CNOT4: variants seen among roughly 807,000 people sequenced by gnomAD.
CNOT4 encodes the protein CCR4-NOT transcription complex subunit 4.
Under a neutral mutation model 73.8 loss-of-function variants are expected in CNOT4, and 8 were observed. The observed-to-expected ratio is 0.11, with a 90% confidence interval of 0.06 to 0.20. The LOEUF is 0.20. CNOT4 is among the 10% of genes least tolerant of loss of function. The probability of loss-of-function intolerance (pLI) is 1.00; values close to 1 mark genes in which losing one functional copy is unlikely to be tolerated. For synonymous variants in CNOT4, 293 were observed against 321.1 expected (o/e 0.91, Z 0.94); for missense variants, 564 against 883.4 (o/e 0.64, Z 4.58).
intron 10 of CNOT4, chr7:135,388,704 A>G: frequency 6.6e-7 from 1 of 1,509,784 alleles, no homozygotes; most frequent in Non-Finnish European, 9.0e-7. Context: ...GGGTGTATAC[A>G]TTAAAAGCAA....
intron 1 of CNOT4, among the ~76,000 whole-genome samples, chr7:135,483,009 A>G (rs1367940263): frequency 6.8e-6 from 1 of 147,198 alleles, no homozygotes; most frequent in Non-Finnish European, 1.5e-5. Context: ...AAAAAAAAAA[A>G]GTAGATGAAA....
At chr7:135,399,743 G>A (rs1796904489) in intron 7 of CNOT4, among the ~76,000 whole-genome samples, 2 of 152,054 alleles carry the variant, frequency 1.3e-5, no homozygotes, top group South Asian at 2.1e-4. Flanking sequence ...ATTGCCAGAT[G>A]TTCTTGATTA....
intron 1 of CNOT4, among the ~76,000 whole-genome samples, chr7:135,487,031 T>C (rs1480821225): frequency 6.6e-6 from 1 of 152,236 alleles, no homozygotes; most frequent in Non-Finnish European, 1.5e-5. Context: ...TGAACTTTTA[T>C]GACTTTGCTA....
chr7:135,510,021 A>ACGGCTGAGAGAGAGACTCT lies in CNOT4; in HGVS notation c.-244_-226dup, dbSNP rs1211348435. On this transcript the variant is annotated 5_prime_UTR_variant, in exon 1 of 12. Transcript: ENST00000541284. ...GATTGCTTCAGCGAGTCCGACCTTT[A>ACGGCTGAGAGAGAGACTCT]CGGCTGAGAGAGAGACTCTCAGCTT... 6 of 398,946 alleles carry ACGGCTGAGAGAGAGACTCT rather than the reference A, an allele frequency of 1.5e-5. No homozygotes were observed. The highest frequency in any genetic ancestry group is 2.7e-5 in the Non-Finnish European group (6 of 226,146). The allele number at this position is 398,946 out of a possible 1,614,324, so 24.7% of individuals were successfully genotyped here.
intron 1 of CNOT4, among the ~76,000 whole-genome samples, chr7:135,464,151 A>G (rs1273597724): frequency 1.3e-5 from 2 of 152,222 alleles, no homozygotes; most frequent in African/African-American, 4.8e-5. Flanking sequence ...AGCCAAAAGC[A>G]GAACTACCAT....
chr7:135,470,211 C>T (rs1361005166), intron 1 of CNOT4, among the ~76,000 whole-genome samples: 2 of 151,874 alleles, frequency 1.3e-5, no homozygotes, highest in African/African-American at 4.8e-5. Context: ...CTCACTGCAA[C>T]CTTGACCTCC....
Position 135,503,271 on chromosome 7 carries a change from C to G in CNOT4, c.-93+6618G>C, listed in dbSNP as rs1804118766. The stretch of plus-strand genomic sequence containing the variant: ...CTTAAGCCCAGAAGTTTGAGACTAC[C>G]CTGGGCAACAGGGTGAGCCCCCATT... On this transcript the variant is annotated intron_variant, in intron 1 of 11. Coordinates refer to ENST00000541284, the MANE Select transcript of CNOT4 (RefSeq NM_001190850.2). 1.3e-5 allele frequency among the ~76,000 whole-genome samples: 2 copies of G among 151,964 alleles called. 1 individual carries two copies. Among genetic ancestry groups the G allele is most frequent in the South Asian group, 4.2e-4 (2 of 4,816 alleles).
intron 2 of CNOT4, among the ~76,000 whole-genome samples, chr7:135,428,443 TTATC>T (rs1234238461): frequency 1.3e-5 from 2 of 152,198 alleles, no homozygotes; most frequent in African/African-American, 2.4e-5. Flanking sequence ...AAAATAATGC[TTATC>T]TGTTTAAAAA....
At chr7:135,429,688 A>ATT (rs768060227) in intron 2 of CNOT4, among the ~76,000 whole-genome samples, 32 of 152,378 alleles carry the variant, frequency 2.1e-4, no homozygotes, top group Non-Finnish European at 3.7e-4. Context: ...TGAAAGTAAC[A>ATT]GACAAGCCCT....
chr7:135,495,763 A>C (rs186626403), intron 1 of CNOT4, among the ~76,000 whole-genome samples: 1 of 141,270 alleles, frequency 7.1e-6, no homozygotes, highest in Non-Finnish European at 1.5e-5. Flanking sequence ...AGAAAGAAAG[A>C]AATTTAAGAA....
chr7:135,404,604 T>C (rs978297514), intron 7 of CNOT4, among the ~76,000 whole-genome samples: 3 of 152,168 alleles, frequency 2.0e-5, no homozygotes, highest in African/African-American at 7.2e-5. Flanking sequence ...TACCAAATAA[T>C]TATGAGAATG....
At chr7:135,494,124 A>G (rs1278104298) in intron 1 of CNOT4, among the ~76,000 whole-genome samples, 1 of 151,576 alleles carries the variant, frequency 6.6e-6, no homozygotes, top group African/African-American at 2.4e-5. Flanking sequence ...GTCTTTGAGA[A>G]GGTAAAGTCC....
At chr7:135,423,061 G>A (rs888259278) in intron 2 of CNOT4, among the ~76,000 whole-genome samples, 1 of 152,094 alleles carries the variant, frequency 6.6e-6, no homozygotes. Context: ...GGAAACTACA[G>A]TACTTTATTT....
rs539628773 is a variant in CNOT4, at chr7:135,414,435, A to G, written c.460-3T>C. 9 of 1,354,240 alleles carry G rather than the reference A, an allele frequency of 6.6e-6. No homozygotes were observed. The highest frequency in any genetic ancestry group is 5.8e-5 in the African/African-American group (4 of 69,438). 83.9% of individuals were successfully genotyped at this position (1,354,240 alleles called of 1,614,324 possible). ...ACATAAGCACTGGCACTTGGACCCT[A>G]AAGTGAAAACATCCCATTCCACTGT... On this transcript the variant is annotated splice_polypyrimidine_tract_variant and splice_region_variant and intron_variant, in intron 4 of 11. Transcript: ENST00000541284.
At chr7:135,440,875 T>C (rs113970025) in intron 1 of CNOT4, among the ~76,000 whole-genome samples, 3,088 of 151,450 alleles carry the variant, frequency 0.02, 108 homozygotes, top group African/African-American at 0.07. Context: ...GCCGAGATCA[T>C]TGCACTCCAG....
chr7:135,476,772 G>T (rs1333784628), intron 1 of CNOT4, among the ~76,000 whole-genome samples: 1 of 152,174 alleles, frequency 6.6e-6, no homozygotes. Flanking sequence ...TGGAGTTCCA[G>T]ACCAGCCTGG....
chr7:135,427,503 C>T (rs1241671544), intron 2 of CNOT4, among the ~76,000 whole-genome samples: 1 of 152,100 alleles, frequency 6.6e-6, no homozygotes, highest in Middle Eastern at 3.2e-3. Context: ...CTGCTGCATA[C>T]CACTTGGGCC....
intron 1 of CNOT4, among the ~76,000 whole-genome samples, chr7:135,477,563 G>A (rs1029427355): frequency 3.3e-5 from 5 of 152,136 alleles, no homozygotes; most frequent in African/African-American, 1.2e-4. Flanking sequence ...GGAAAAGAAT[G>A]AGTACATTGT....
rs3812283 is a variant in CNOT4, at chr7:135,405,430, T to C, written c.821+5085A>G. Reference sequence around the variant, plus strand: ...GGCACAGCAGCCTACCTAGTTACTATTCCTTTCACAGTTGGTACTTAAATA... The same window carrying C: ...GGCACAGCAGCCTACCTAGTTACTACTCCTTTCACAGTTGGTACTTAAATA... On this transcript the variant is annotated intron_variant, in intron 7 of 11. Coordinates refer to ENST00000541284, the MANE Select transcript of CNOT4 (RefSeq NM_001190850.2). Among the ~76,000 whole-genome samples the C allele has an allele frequency of 2.2e-3, 339 of 152,292 alleles. 12 individuals carry two copies. The East Asian group carries it at 0.054, about 24-fold the overall frequency.
Sources: gnomAD v4.1 joint callset for allele counts (sites outside exome capture counted in the v4.1 genomes callset) on GRCh38, gnomAD v4.1.1 for gene constraint, MANE v1.5 for transcripts, NCBI Gene and HGNC (gene_info 2026-07-23, HGNC 2026-07-21) for gene names.